ABHD12B: variants seen among roughly 807,000 people sequenced by gnomAD.
ABHD12B encodes protein ABHD12B.
ABHD12B carries 42 observed loss-of-function variants against 50.4 expected under a neutral mutation model. That is an observed-to-expected ratio of 0.83 (90% confidence interval 0.65 to 1.08). The LOEUF is 1.08. Ranked by LOEUF, ABHD12B falls within the 50% of genes least tolerant of loss-of-function variation. The pLI, the probability that ABHD12B is intolerant of heterozygous loss-of-function variation, is 0.00. For missense variants in ABHD12B, 479 were observed against 447.7 expected (o/e 1.07, Z -0.63); for synonymous variants, 167 against 160.3 (o/e 1.04, Z -0.32).
intron 5 of ABHD12B, among the ~76,000 whole-genome samples, chr14:50,883,123 T>C (rs953429793): frequency 1.3e-5 from 2 of 152,186 alleles, no homozygotes; most frequent in African/African-American, 4.8e-5. Flanking sequence ...ATGCAGAAGA[T>C]GGCAGGCTTT....
In ABHD12B at chr14:50,872,202, G is replaced by C; in HGVS notation, c.28G>C (p.Ala10Pro). MDAQDCQAAASPEPPGPPAR... is the reference protein window; with the variant it reads MDAQDCQAAPSPEPPGPPAR... ...GGACGCGCAGGACTGCCAGGCGGCC[G>C]CATCGCCCGAGCCGCCCGGGCCCCC... The change falls in exon 1 of 13, where the codon GCA (alanine) becomes CCA (proline). Residue 10 changes from alanine (A) to proline (P), a missense_variant. Physicochemically the swap from Ala to Pro is conservative, Grantham distance 27. Coordinates refer to ENST00000337334, the MANE Select transcript of ABHD12B (RefSeq NM_001206673.2). 2 of 1,369,638 alleles carry C rather than the reference G, an allele frequency of 1.5e-6. No homozygotes were observed. The highest frequency in any genetic ancestry group is 1.9e-6 in the Non-Finnish European group (2 of 1,059,672). 84.8% of individuals were successfully genotyped at this position (1,369,638 alleles called of 1,614,324 possible). A position where few individuals can be genotyped will look rare whatever the true frequency, so the allele number is the denominator to read the frequency against.
At chr14:50,874,493 C>T (rs556302182) in intron 1 of ABHD12B, among the ~76,000 whole-genome samples, 7 of 151,826 alleles carry the variant, frequency 4.6e-5, no homozygotes, top group Non-Finnish European at 7.4e-5. Context: ...CCAGCTACTC[C>T]GGAGGCTGAG....
At chr14:50,876,477 G>A (rs1325912474) in intron 1 of ABHD12B, among the ~76,000 whole-genome samples, 2 of 152,162 alleles carry the variant, frequency 1.3e-5, no homozygotes, top group African/African-American at 2.4e-5. Flanking sequence ...CAGGAAGGAG[G>A]AAAGAAGAAA....
At chr14:50,885,110 G>T (rs993925610) in intron 5 of ABHD12B, among the ~76,000 whole-genome samples, 1 of 152,124 alleles carries the variant, frequency 6.6e-6, no homozygotes, top group Non-Finnish European at 1.5e-5. Context: ...CACACAGCAG[G>T]TAAGTGGCAG....
At chr14:50,902,854 C>CA (rs1485110438) in intron 10 of ABHD12B, among the ~76,000 whole-genome samples, 1 of 152,126 alleles carries the variant, frequency 6.6e-6, no homozygotes, top group Non-Finnish European at 1.5e-5. Flanking sequence ...TTTGAATTAG[C>CA]AAACTAGGGG....
chr14:50,903,201 C>A (rs1174020885), intron 10 of ABHD12B, among the ~76,000 whole-genome samples, 188 bp from the exon 11 acceptor site: 1 of 150,898 alleles, frequency 6.6e-6, no homozygotes, highest in Non-Finnish European at 1.5e-5. Flanking sequence ...GAGAGGGAAA[C>A]TTGCATGGAG....
At chr14:50,888,799 C>A (rs10144606) in intron 8 of ABHD12B, 25 bp from the exon 9 acceptor site, 1,087,484 of 1,593,254 alleles carry the variant, frequency 0.68, 373,300 homozygotes, top group South Asian at 0.84. Context: ...TTACTGATTT[C>A]TTTCTTTCTT....
At chr14:50,877,433 C>A (rs367869525) in intron 1 of ABHD12B, among the ~76,000 whole-genome samples, 3 of 152,148 alleles carry the variant, frequency 2.0e-5, no homozygotes, top group Non-Finnish European at 2.9e-5. Context: ...GGCTGTGGTG[C>A]GAACATATCC....
chr14:50,888,151 A>G (rs1289251522), intron 8 of ABHD12B, among the ~76,000 whole-genome samples: 2 of 151,932 alleles, frequency 1.3e-5, no homozygotes, highest in Non-Finnish European at 1.5e-5. Context: ...GCACATTCTT[A>G]GCAACGGACT....
intron 9 of ABHD12B, among the ~76,000 whole-genome samples, chr14:50,890,476 T>C (rs1031397753): frequency 1.3e-5 from 2 of 152,210 alleles, no homozygotes; most frequent in Admixed American, 6.5e-5. Flanking sequence ...GGTAATCATG[T>C]CTATGCATTT....
chr14:50,880,471 C>CG lies in ABHD12B; in HGVS notation c.361dup (p.Glu121GlyfsTer12), dbSNP rs1566484867. The CG allele has an allele frequency of 1.2e-6, 2 of 1,609,016 alleles. No homozygotes were observed. The highest frequency in any genetic ancestry group is 1.7e-5 in the Admixed American group (1 of 59,250). On this transcript the variant is annotated frameshift_variant, in exon 4 of 13. Coordinates refer to ENST00000337334, the MANE Select transcript of ABHD12B (RefSeq NM_001206673.2). ...CTTCAGGCACACAGTCCCCAGCTGC[C>CG]GGGGGGAAGATGCCAAGGGGAAGGA...
intron 8 of ABHD12B, 79 bp downstream of exon 8, chr14:50,886,763 A>T: frequency 7.3e-7 from 1 of 1,370,060 alleles, no homozygotes. Flanking sequence ...TATTGTGTAC[A>T]CTTTGAACAT....
chr14:50,892,497 CG>C lies in ABHD12B; in HGVS notation c.780+3595del, dbSNP rs1044411529. On this transcript the variant is annotated intron_variant, in intron 9 of 12. Coordinates refer to ENST00000337334, the MANE Select transcript of ABHD12B (RefSeq NM_001206673.2). Reference sequence around the variant, plus strand: ...CAGTGGAGGAGGGGCGGGAGGATGGCGTAACCTCTTAGGAGTGATGGCTTCT... The same window carrying C: ...CAGTGGAGGAGGGGCGGGAGGATGGCTAACCTCTTAGGAGTGATGGCTTCT... The C allele has an allele frequency of 1.3e-5, 13 of 985,352 alleles. No individual in the cohort carries two copies. In the East Asian group the frequency reaches 3.4e-4, roughly 26 times the overall value. The allele number at this position is 985,352 out of a possible 1,614,324, so 61.0% of individuals were successfully genotyped here.
chr14:50,900,131 C>T (rs745967673), intron 9 of ABHD12B, among the ~76,000 whole-genome samples: 3 of 151,998 alleles, frequency 2.0e-5, no homozygotes, highest in Non-Finnish European at 4.4e-5. Flanking sequence ...ACTATGGAGG[C>T]TGAGGAGGGA....
At chr14:50,876,845 T>C (rs2049870519) in intron 1 of ABHD12B, among the ~76,000 whole-genome samples, 1 of 152,188 alleles carries the variant, frequency 6.6e-6, no homozygotes, top group Non-Finnish European at 1.5e-5. Context: ...AACCTTACCA[T>C]TTGATTATAT....
At chr14:50,873,378 T>C (rs1011517068) in intron 1 of ABHD12B, among the ~76,000 whole-genome samples, 6 of 152,124 alleles carry the variant, frequency 3.9e-5, no homozygotes, top group African/African-American at 1.4e-4. Context: ...ACTGAGCTGA[T>C]TTTTGTATTT....
chr14:50,886,280 A>G (rs2050035917), intron 7 of ABHD12B, among the ~76,000 whole-genome samples: 1 of 152,024 alleles, frequency 6.6e-6, no homozygotes, highest in Non-Finnish European at 1.5e-5. Flanking sequence ...TTTACTAAAA[A>G]TACCAAAAAT....
chr14:50,896,904 G>GT (rs1412108932), intron 9 of ABHD12B, among the ~76,000 whole-genome samples: 1 of 152,074 alleles, frequency 6.6e-6, no homozygotes, highest in Non-Finnish European at 1.5e-5. Context: ...ATTGTTACTG[G>GT]TTTTTTGGAC....
intron 9 of ABHD12B, among the ~76,000 whole-genome samples, chr14:50,895,388 G>A (rs529224715): frequency 1.3e-5 from 2 of 151,088 alleles, no homozygotes; most frequent in African/African-American, 4.9e-5. Flanking sequence ...ACTTCCAAAC[G>A]CCTGAACCGC....
Sources: allele counts gnomAD v4.1 joint callset (sites outside exome capture counted in the v4.1 genomes callset), GRCh38; gene constraint gnomAD v4.1.1; transcripts MANE v1.5; gene names NCBI Gene and HGNC (gene_info 2026-07-23, HGNC 2026-07-21).